ABCA6: variants seen among roughly 807,000 people sequenced by gnomAD.
ABCA6 encodes the protein ATP binding cassette subfamily A member 6.
A neutral mutation model predicts 191.2 loss-of-function variants in ABCA6; 164 were observed. The observed-to-expected ratio is 0.86, with a 90% CI of 0.76 to 0.98. The LOEUF is 0.98. ABCA6 is among the 50% of genes least tolerant of loss of function. The pLI is 0.00. For synonymous variants in ABCA6, 636 were observed against 647.7 expected, an observed-to-expected ratio of 0.98 and a Z score of 0.27; for missense variants, 1,958 against 1,894.1, an observed-to-expected ratio of 1.03 and a Z score of -0.63.
chr17:69,107,963 G>A, intron 17 of ABCA6, 151 bp from the exon 18 acceptor site: 1 of 564,194 alleles, frequency 1.8e-6, no homozygotes, highest in South Asian at 2.3e-5. Context: ...AATTTCATGA[G>A]AATGCTCTCC....
intron 18 of ABCA6, among the ~76,000 whole-genome samples, chr17:69,106,464 G>A (rs1449973997): frequency 3.3e-5 from 5 of 151,806 alleles, no homozygotes; most frequent in African/African-American, 9.7e-5. Context: ...GTGGTGGCAG[G>A]TGCCTGTAAT....
intron 3 of ABCA6, 87 bp downstream of exon 3, chr17:69,137,209 C>CTT: frequency 1.6e-6 from 2 of 1,259,056 alleles, no homozygotes; most frequent in Non-Finnish European, 2.2e-6. Context: ...TAATATATGA[C>CTT]TTTAACTTCA....
chr17:69,107,728 A>T lies in ABCA6; in HGVS notation c.2357T>A (p.Met786Lys), dbSNP rs952252822. ...GATAGTTGACTGTCCTTCCAGTTTC[A>T]TAAAGACTTCATTTAGAGTTGACAT... ...ISMSTLNEVF[M>K]KLEGQSTIEQ... The change falls in exon 18 of 39, where the codon ATG (methionine) becomes AAG (lysine). Residue 786 changes from methionine (M) to lysine (K), a missense_variant. Transcript: ENST00000284425. 2 of 1,612,162 alleles carry T rather than the reference A, an allele frequency of 1.2e-6. No individual in the cohort carries two copies. Among genetic ancestry groups the T allele is most frequent in the African/African-American group, 2.7e-5 (2 of 74,828 alleles).
At chr17:69,122,381 T>C (rs6501183) in intron 10 of ABCA6, among the ~76,000 whole-genome samples, 112,656 of 151,874 alleles carry the variant, frequency 0.74, 42,475 homozygotes, top group African/African-American at 0.86. Flanking sequence ...TTGAAATCCA[T>C]GATACTTGGG....
intron 16 of ABCA6, chr17:69,111,235 T>C (rs946255480): frequency 1.6e-5 from 3 of 188,524 alleles, no homozygotes; most frequent in Non-Finnish European, 3.2e-5. Context: ...GCTGAGAATG[T>C]TAGGAAGAAG....
chr17:69,117,142 A>G (rs1443534025), intron 11 of ABCA6, among the ~76,000 whole-genome samples: 2 of 152,078 alleles, frequency 1.3e-5, no homozygotes, highest in South Asian at 2.1e-4. Flanking sequence ...TCAAAGACCT[A>G]ATCTAAAAGC....
chr17:69,123,445 A>G, intron 9 of ABCA6, 38 bp from the exon 10 acceptor site: 1 of 1,368,646 alleles, frequency 7.3e-7, no homozygotes. Flanking sequence ...GATCAGTAAT[A>G]GTAAAAGAAT....
chr17:69,127,628 T>C (rs1229214123), intron 8 of ABCA6, among the ~76,000 whole-genome samples: 2 of 152,144 alleles, frequency 1.3e-5, no homozygotes, highest in African/African-American at 4.8e-5. Context: ...TACTAAATCC[T>C]GGTGAAGTGT....
rs1180748157 is a variant in ABCA6 at position 69,138,968 on chromosome 17, C to T, written c.97-1468G>A. ...ATTCAAGATGGATTAAAGACTTAAACGTTAGACCTAAAACCATAAAAACCC... is the reference window on the plus strand; with the variant it reads ...ATTCAAGATGGATTAAAGACTTAAATGTTAGACCTAAAACCATAAAAACCC... On this transcript the variant is annotated intron_variant, in intron 2 of 38. Transcript: ENST00000284425. Among the ~76,000 whole-genome samples, 14 of 151,994 alleles carry T rather than the reference C, an allele frequency of 9.2e-5. 1 individual carries two copies. Among genetic ancestry groups the T allele is most frequent in the South Asian group, 6.2e-4 (3 of 4,822 alleles).
Position 69,100,792 on chromosome 17 carries a change from C to T in ABCA6, c.3012+5G>A. 6.2e-7 allele frequency: 1 copy of T among 1,605,566 alleles called. No individual in the cohort carries two copies. Among genetic ancestry groups the T allele is most frequent in the Non-Finnish European group, 8.5e-7 (1 of 1,176,720 alleles). ...TTGTTTAGACTCAGTAAATCCAATA[C>T]TTACAAGAGGAAATGGGCTTGACTC... is the stretch of plus-strand genomic sequence containing the variant. On this transcript the variant is annotated splice_donor_5th_base_variant and intron_variant, in intron 22 of 38. Transcript: ENST00000284425.
In ABCA6 at chr17:69,081,153, C is replaced by T. The variant is rs764356393; in HGVS notation, c.4617-8G>A. ...GTTAACAAAGAGGAATACCTGAAAA[C>T]AGGAAGATGTCGTTTTCAGCTCTGA... On this transcript the variant is annotated splice_region_variant and splice_polypyrimidine_tract_variant and intron_variant, in intron 36 of 38. Coordinates refer to ENST00000284425, the MANE Select transcript of ABCA6 (RefSeq NM_080284.3). 2 of 1,557,422 alleles carry T rather than the reference C, an allele frequency of 1.3e-6. No individual in the cohort carries two copies. Among genetic ancestry groups the T allele is most frequent in the Non-Finnish European group, 1.8e-6 (2 of 1,142,002 alleles).
intron 10 of ABCA6, among the ~76,000 whole-genome samples, chr17:69,122,331 A>T (rs892636319): frequency 6.6e-6 from 1 of 152,082 alleles, no homozygotes; most frequent in Non-Finnish European, 1.5e-5. Flanking sequence ...TGATCCATTA[A>T]CTTTGTACCA....
At chr17:69,129,576 A>C (rs781381477) in intron 7 of ABCA6, 34 bp downstream of exon 7, 5 of 1,537,872 alleles carry the variant, frequency 3.3e-6, no homozygotes, top group African/African-American at 1.4e-5. Flanking sequence ...TAAGATCTAA[A>C]GCAGAGAAAG....
chr17:69,136,734 AT>A (rs973465340), intron 3 of ABCA6, among the ~76,000 whole-genome samples: 26 of 152,264 alleles, frequency 1.7e-4, no homozygotes, highest in African/African-American at 6.0e-4. Flanking sequence ...AAATAGCCAA[AT>A]TGCACCCAAT....
At chr17:69,084,933 G>T in intron 32 of ABCA6, 95 bp downstream of exon 32, 1 of 1,425,304 alleles carries the variant, frequency 7.0e-7, no homozygotes, top group Non-Finnish European at 9.3e-7. Flanking sequence ...GGTGGAGATA[G>T]CATATTGACT....
chr17:69,079,087 CAAA>C lies in ABCA6; in HGVS notation c.4753-16_4753-14del. 1.9e-6 allele frequency: 3 copies of C among 1,585,498 alleles called. No individual in the cohort carries two copies. Among genetic ancestry groups the C allele is most frequent in the South Asian group, 1.1e-5 (1 of 88,210 alleles). On this transcript the variant is annotated splice_polypyrimidine_tract_variant and intron_variant, in intron 38 of 38. Coordinates refer to ENST00000284425, the MANE Select transcript of ABCA6 (RefSeq NM_080284.3). ...GCTCTAAGAATACCTAATTAGGAGA[CAAA>C]GAAGAAGGAAAGAAGGAAGAGAGAT...
intron 11 of ABCA6, chr17:69,115,773 A>G: frequency 4.9e-6 from 1 of 203,160 alleles, no homozygotes; most frequent in Non-Finnish European, 9.8e-6. Flanking sequence ...AGATTAATAA[A>G]ATGACCTTTC....
chr17:69,114,106 C>A (rs891190942), intron 13 of ABCA6, among the ~76,000 whole-genome samples: 8 of 152,108 alleles, frequency 5.3e-5, no homozygotes, highest in Non-Finnish European at 1.0e-4. Flanking sequence ...TATAAAGACA[C>A]ATGCACACGT....
chr17:69,128,775 C>T lies in ABCA6; in HGVS notation c.963G>A (p.Leu321=). The change falls in exon 8 of 39, where the codon CTG becomes CTA. Residue 321 remains leucine, a synonymous_variant. Coordinates refer to ENST00000284425, the MANE Select transcript of ABCA6 (RefSeq NM_080284.3). ...LVALVFLMSV[L]LKKAVLTNLV... ...AATTGGTGAGGACAGCTTTCTTTAACAGCACACTCATCAGGAACACCAAAG... is the reference window on the plus strand; with the variant it reads ...AATTGGTGAGGACAGCTTTCTTTAATAGCACACTCATCAGGAACACCAAAG... The T allele has an allele frequency of 6.2e-7, 1 of 1,605,684 alleles. No homozygotes were observed. The highest frequency in any genetic ancestry group is 8.5e-7 in the Non-Finnish European group (1 of 1,175,674).
Sources: gnomAD v4.1 joint callset for allele counts (sites outside exome capture counted in the v4.1 genomes callset) on GRCh38, gnomAD v4.1.1 for gene constraint, MANE v1.5 for transcripts, NCBI Gene and HGNC (gene_info 2026-07-23, HGNC 2026-07-21) for gene names.